The following SCUBE3 variants were observed in gnomAD, a reference collection of about 807,000 sequenced individuals.
SCUBE3 encodes signal peptide, CUB and EGF-like domain-containing protein 3.
A neutral mutation model predicts 116.8 loss-of-function variants in SCUBE3; 33 were observed. The ratio of observed to expected loss-of-function variants is 0.28; its 90% CI spans 0.21 to 0.38. The LOEUF is 0.38. Among genes scored for constraint, SCUBE3 ranks in the 10% least tolerant of loss-of-function variants. The pLI is 1.00. For missense variants in SCUBE3, 1,007 were observed against 1,324.8 expected, an observed-to-expected ratio of 0.76 and a Z score of 3.72; for synonymous variants, 418 against 496.9, an observed-to-expected ratio of 0.84 and a Z score of 2.11.
intron 21 of SCUBE3, among the ~76,000 whole-genome samples, chr6:35,247,468 G>A (rs921858091): frequency 6.7e-6 from 1 of 148,658 alleles, no homozygotes; most frequent in African/African-American, 2.5e-5. Flanking sequence ...AACTATAGTC[G>A]TAGTCATAGA....
chr6:35,236,278 C>T (rs1169009730), intron 6 of SCUBE3, among the ~76,000 whole-genome samples: 1 of 152,202 alleles, frequency 6.6e-6, no homozygotes, highest in East Asian at 1.9e-4. Context: ...AGAATGCCGT[C>T]CTGCACAGGT....
chr6:35,239,632 G>C lies in SCUBE3; in HGVS notation c.830-120G>C, dbSNP rs2150308094. The stretch of plus-strand genomic sequence containing the variant: ...GAAAGAGACAGAGAGAGATCAAGAA[G>C]AGGCAGGCCCAGGACTCCTTGATTT... On this transcript the variant is annotated intron_variant, in intron 7 of 21. Transcript: ENST00000274938. The surrounding 1 kb of genome is among the most constrained non-coding windows in gnomAD (Gnocchi z 4.1). 5 of 799,484 alleles carry C rather than the reference G, an allele frequency of 6.3e-6. No homozygotes were observed. The highest frequency in any genetic ancestry group is 1.0e-5 in the Non-Finnish European group (5 of 486,720). The allele number at this position is 799,484 out of a possible 1,614,324, so 49.5% of individuals were successfully genotyped here. A position where few individuals can be genotyped will look rare whatever the true frequency, so the allele number is the denominator to read the frequency against.
Position 35,239,977 on chromosome 6 carries a change from A to T in SCUBE3, c.952+103A>T. 1 of 1,026,904 alleles carries T rather than the reference A, an allele frequency of 9.7e-7. No individual in the cohort carries two copies. The highest frequency in any genetic ancestry group is 3.2e-4 in the Middle Eastern group (1 of 3,090). 63.6% of individuals were successfully genotyped at this position (1,026,904 alleles called of 1,614,324 possible). A position where few individuals can be genotyped will look rare whatever the true frequency, so the allele number is the denominator to read the frequency against. ...GTCTTAGAAACTCAATAGATATCAC[A>T]CAGAGTCTCTAGAGGCAGTGTCATC... is the stretch of plus-strand genomic sequence containing the variant. On this transcript the variant is annotated intron_variant, in intron 8 of 21. Transcript: ENST00000274938. This position sits in a 1 kb window ranked among gnomAD's most constrained non-coding sequence, Gnocchi z 4.1.
rs1194099723 is a variant in SCUBE3 at position 35,251,241 on chromosome 6, C to T, written c.*2536C>T. On this transcript the variant is annotated 3_prime_UTR_variant, in exon 22 of 22. Transcript: ENST00000274938. ...CTATCTCGGCCTACTGCAACCTCCG[C>T]CTCCCAGGCTCAAGCAATTCTGCCT... The T allele has an allele frequency of 6.6e-6, 1 of 151,822 alleles. No homozygotes were observed. The highest frequency in any genetic ancestry group is 1.5e-5 in the Non-Finnish European group (1 of 67,974). 9.4% of individuals were successfully genotyped at this position (151,822 alleles called of 1,614,324 possible). A position where few individuals can be genotyped will look rare whatever the true frequency, so the allele number is the denominator to read the frequency against.
rs1782826866 is a variant in SCUBE3, at chr6:35,214,940, C to T, written c.85+437C>T. 6.6e-6 allele frequency among the ~76,000 whole-genome samples: 1 copy of T among 152,202 alleles called. No individual in the cohort carries two copies. The highest frequency in any genetic ancestry group is 2.4e-5 in the African/African-American group (1 of 41,450). ...TATATTTCTTTCCCTTACCCCCAAC[C>T]CGCATGCAAAGTTAGACATTTCTAA... On this transcript the variant is annotated intron_variant, in intron 1 of 21. Transcript: ENST00000274938. The surrounding 1 kb of genome is among the most constrained non-coding windows in gnomAD (Gnocchi z 6.3).
In SCUBE3 at chr6:35,240,269, T is replaced by C; in HGVS notation, c.953-105T>C. On this transcript the variant is annotated intron_variant, in intron 8 of 21. Coordinates refer to ENST00000274938, the MANE Select transcript of SCUBE3 (RefSeq NM_152753.4). This position sits in a 1 kb window ranked among gnomAD's most constrained non-coding sequence, Gnocchi z 4.6. ...AGAGCTAGGACATGAATAGGAACTC[T>C]TCAGTTCAAGGGGGAAAGCCAAGGC... The C allele has an allele frequency of 1.6e-6, 1 of 628,044 alleles. No homozygotes were observed. Among genetic ancestry groups the C allele is most frequent in the Non-Finnish European group, 2.8e-6 (1 of 358,892 alleles). 38.9% of individuals were successfully genotyped at this position (628,044 alleles called of 1,614,324 possible). A position where few individuals can be genotyped will look rare whatever the true frequency, so the allele number is the denominator to read the frequency against.
Position 35,242,200 on chromosome 6 carries a change from C to T in SCUBE3, c.1418-4C>T, listed in dbSNP as rs1343293858. The T allele has an allele frequency of 6.2e-7, 1 of 1,605,700 alleles. No homozygotes were observed. Among genetic ancestry groups the T allele is most frequent in the Non-Finnish European group, 8.5e-7 (1 of 1,172,422 alleles). On this transcript the variant is annotated splice_region_variant and splice_polypyrimidine_tract_variant and intron_variant, in intron 12 of 21. Transcript: ENST00000274938. ...ACTGTGCTGAGTTTCTACCATCCCT[C>T]TAGAGGCTGCAGTGCTGTCCATTAA...
rs939320146 is a variant in SCUBE3, at chr6:35,240,934, A to G, written c.1070-207A>G. On this transcript the variant is annotated intron_variant, in intron 9 of 21. Coordinates refer to ENST00000274938, the MANE Select transcript of SCUBE3 (RefSeq NM_152753.4). This position sits in a 1 kb window ranked among gnomAD's most constrained non-coding sequence, Gnocchi z 4.6. ...TTAAATTGTAAGAATATTTAACAAG[A>G]GATCTACCCTCTTAAGTTTTTAAGT... 1.3e-5 allele frequency among the ~76,000 whole-genome samples: 2 copies of G among 152,224 alleles called. No individual in the cohort carries two copies. Among genetic ancestry groups the G allele is most frequent in the Non-Finnish European group, 2.9e-5 (2 of 68,046 alleles).
In SCUBE3 at chr6:35,232,372, T is replaced by C. The variant is rs1451710889; in HGVS notation, c.470-478T>C. The stretch of plus-strand genomic sequence containing the variant: ...TGCCCTGCGTGTAGTGAGAGTTTAA[T>C]AAATGTTTGTTGAATAAAATTGCAT... On this transcript the variant is annotated intron_variant, in intron 4 of 21. Transcript: ENST00000274938. This position sits in a 1 kb window ranked among gnomAD's most constrained non-coding sequence, Gnocchi z 4.2. Among the ~76,000 whole-genome samples, 3 of 152,192 alleles carry C rather than the reference T, an allele frequency of 2.0e-5. No homozygotes were observed. The East Asian group carries it at 5.8e-4, about 29-fold the overall frequency.
rs2150294367 is a variant in SCUBE3, at chr6:35,228,803, T to G, written c.334+64T>G. 1 of 1,534,954 alleles carries G rather than the reference T, an allele frequency of 6.5e-7. No homozygotes were observed. Among genetic ancestry groups the G allele is most frequent in the African/African-American group, 1.4e-5 (1 of 73,472 alleles). ...GTGGAGAAAGAGATCTTTTCAGCAT[T>G]TCCTATTTCCCAGGGAAGGAGGAGA... On this transcript the variant is annotated intron_variant, in intron 3 of 21. Transcript: ENST00000274938. This position sits in a 1 kb window ranked among gnomAD's most constrained non-coding sequence, Gnocchi z 4.9.
intron 2 of SCUBE3, 87 bp downstream of exon 2, chr6:35,227,789 C>A: frequency 1.5e-6 from 2 of 1,366,614 alleles, no homozygotes; most frequent in African/African-American, 1.4e-5. Context: ...CTCTCCATCA[C>A]ATCAAGGCTA....
rs1254124131 is a variant in SCUBE3, at chr6:35,245,873, A to G, written c.2600-71A>G. On this transcript the variant is annotated intron_variant, in intron 19 of 21. Transcript: ENST00000274938. This position sits in a 1 kb window ranked among gnomAD's most constrained non-coding sequence, Gnocchi z 4.2. The stretch of plus-strand genomic sequence containing the variant: ...GCCCTATACCCCCACCACCAGCTGT[A>G]CAGCCCACGTTCTAGGAGGGCTTGG... 3 of 1,526,410 alleles carry G rather than the reference A, an allele frequency of 2.0e-6. No homozygotes were observed. Among genetic ancestry groups the G allele is most frequent in the Non-Finnish European group, 2.7e-6 (3 of 1,113,388 alleles). The allele number at this position is 1,526,410 out of a possible 1,614,324, so 94.6% of individuals were successfully genotyped here. A position where few individuals can be genotyped will look rare whatever the true frequency, so the allele number is the denominator to read the frequency against.
At position 35,219,844 on chromosome 6, in the gene SCUBE3, C is replaced by G. The variant is rs972443775; in HGVS notation, c.85+5341C>G. On this transcript the variant is annotated intron_variant, in intron 1 of 21. Transcript: ENST00000274938. The surrounding 1 kb of genome is among the most constrained non-coding windows in gnomAD (Gnocchi z 4.7). ...AGCTGTTAACAGCAGGAACCTGTAT[C>G]CCTGGTGTTTGTTTTTGTTTCTAAC... 3.3e-5 allele frequency among the ~76,000 whole-genome samples: 5 copies of G among 152,258 alleles called. No individual in the cohort carries two copies. Among genetic ancestry groups the G allele is most frequent in the African/African-American group, 1.2e-4 (5 of 41,524 alleles).
chr6:35,227,826 G>T (rs1259118047), intron 2 of SCUBE3, 124 bp downstream of exon 2: 2 of 1,004,088 alleles, frequency 2.0e-6, no homozygotes, highest in Non-Finnish European at 1.5e-6. Flanking sequence ...AGTGGTGGGG[G>T]GGTGGTGAGG....
chr6:35,230,527 T>C (rs1480485516), intron 3 of SCUBE3, among the ~76,000 whole-genome samples: 1 of 151,356 alleles, frequency 6.6e-6, no homozygotes, highest in Non-Finnish European at 1.5e-5. Flanking sequence ...TTGGCTAGAG[T>C]AGCAAAGCCA....
Position 35,246,212 on chromosome 6 carries a change from A to G in SCUBE3, c.2759A>G (p.Tyr920Cys). ...QIPYVTYDED[Y>C]EQLVEDIVRD... ...ACCTTGGTTGACTTTGCAGAGGACT[A>G]TGAGCAGCTGGTAGAAGACATTGTG... is the stretch of plus-strand genomic sequence containing the variant. The change falls in exon 21 of 22, where the codon TAT becomes TGT. Residue 920 changes from tyrosine (Y) to cysteine (C), a missense_variant. Coordinates refer to ENST00000274938, the MANE Select transcript of SCUBE3 (RefSeq NM_152753.4). The G allele has an allele frequency of 3.1e-6, 5 of 1,614,130 alleles. No homozygotes were observed. Among genetic ancestry groups the G allele is most frequent in the Non-Finnish European group, 4.2e-6 (5 of 1,179,958 alleles).
rs1783738027 is a variant in SCUBE3 at position 35,235,617 on chromosome 6, G to A, written c.713-2285G>A. 1 of 445,722 alleles carries A rather than the reference G, an allele frequency of 2.2e-6. No individual in the cohort carries two copies. 27.6% of individuals were successfully genotyped at this position (445,722 alleles called of 1,614,324 possible). A position where few individuals can be genotyped will look rare whatever the true frequency, so the allele number is the denominator to read the frequency against. ...CTGACTGGGCCCCAACTTGCCAGCA[G>A]GGCTATCCTGGCAGCCAGGGCACTG... is the stretch of plus-strand genomic sequence containing the variant. On this transcript the variant is annotated intron_variant, in intron 6 of 21. Coordinates refer to ENST00000274938, the MANE Select transcript of SCUBE3 (RefSeq NM_152753.4). The surrounding 1 kb of genome is among the most constrained non-coding windows in gnomAD (Gnocchi z 4.5).
At position 35,233,138 on chromosome 6, in the gene SCUBE3, A is replaced by C. The variant is rs1783618624; in HGVS notation, c.596-47A>C. On this transcript the variant is annotated intron_variant, in intron 5 of 21. Coordinates refer to ENST00000274938, the MANE Select transcript of SCUBE3 (RefSeq NM_152753.4). The surrounding 1 kb of genome is among the most constrained non-coding windows in gnomAD (Gnocchi z 5.7). ...GTACCCACATTGTGGAAAACTGTGG[A>C]TGCAGGGAGGAGCAAGCTGACAGGG... 6.6e-7 allele frequency: 1 copy of C among 1,520,218 alleles called. No homozygotes were observed. The highest frequency in any genetic ancestry group is 1.1e-5 in the South Asian group (1 of 87,736). 94.2% of individuals were successfully genotyped at this position (1,520,218 alleles called of 1,614,324 possible). A position where few individuals can be genotyped will look rare whatever the true frequency, so the allele number is the denominator to read the frequency against.
chr6:35,242,791 G>A lies in SCUBE3; in HGVS notation c.1693+11G>A. On this transcript the variant is annotated intron_variant, in intron 14 of 21. Transcript: ENST00000274938. ...CCGAAGAAACCACAGGTGGGACTGG[G>A]GGCACTGTTGGGAAGAGGACTGGAA... 1.9e-6 allele frequency: 3 copies of A among 1,611,704 alleles called. No individual in the cohort carries two copies. The highest frequency in any genetic ancestry group is 3.3e-5 in the Admixed American group (2 of 59,976).
Sources: allele counts gnomAD v4.1 joint callset (sites outside exome capture counted in the v4.1 genomes callset), GRCh38; gene constraint gnomAD v4.1.1; non-coding constraint Gnocchi (gnomAD v3.1); transcripts MANE v1.5; gene names NCBI Gene and HGNC (gene_info 2026-07-23, HGNC 2026-07-21).